XKR6: variants seen among roughly 807,000 people sequenced by gnomAD.
XKR6 encodes XK-related protein 6.
Under a neutral mutation model 56.7 loss-of-function variants are expected in XKR6, and 22 were observed. That is an observed-to-expected ratio of 0.39 (90% CI 0.28 to 0.55). XKR6 has a LOEUF of 0.55. XKR6 is among the 20% of genes least tolerant of loss of function. The pLI, the probability that XKR6 is intolerant of heterozygous loss-of-function variation, is 0.66. For missense variants in XKR6, 852 were observed against 889.0 expected (o/e 0.96, Z 0.53); for synonymous variants, 524 against 387.8 (o/e 1.35, Z -4.13).
At chr8:10,899,518 G>A (rs1799978005) in intron 2 of XKR6, among the ~76,000 whole-genome samples, 1 of 152,194 alleles carries the variant, frequency 6.6e-6, no homozygotes, top group Admixed American at 6.5e-5. Context: ...ACAAGATCCA[G>A]GACACTGGGA....
At chr8:11,091,196 C>T (rs983826058) in intron 1 of XKR6, among the ~76,000 whole-genome samples, 2 of 152,104 alleles carry the variant, frequency 1.3e-5, no homozygotes, top group Non-Finnish European at 2.9e-5. Flanking sequence ...TTGGGAGAGA[C>T]AAGGTGGGAG....
At chr8:10,960,039 C>T (rs1802014456) in intron 1 of XKR6, among the ~76,000 whole-genome samples, 1 of 152,220 alleles carries the variant, frequency 6.6e-6, no homozygotes, top group Non-Finnish European at 1.5e-5. Context: ...TTGCACCTGG[C>T]ACCTTGTGTG....
chr8:11,127,481 G>A (rs534175025), intron 1 of XKR6, among the ~76,000 whole-genome samples: 93 of 152,288 alleles, frequency 6.1e-4, no homozygotes, highest in African/African-American at 1.9e-3. Context: ...GGTGTCAGAA[G>A]GGCCACATTT....
intron 1 of XKR6, among the ~76,000 whole-genome samples, chr8:11,033,284 T>C (rs1456355507): frequency 6.7e-6 from 1 of 150,182 alleles, no homozygotes; most frequent in East Asian, 1.9e-4. Context: ...ATGATGACGA[T>C]AGTGATGGTG....
chr8:11,199,633 C>T (rs780677420), intron 1 of XKR6, among the ~76,000 whole-genome samples: 7 of 152,116 alleles, frequency 4.6e-5, no homozygotes, highest in Non-Finnish European at 1.0e-4. Flanking sequence ...ACAGATGTAC[C>T]CAGGTGTGAA....
chr8:11,194,932 G>A, intron 1 of XKR6: 4 of 545,836 alleles, frequency 7.3e-6, no homozygotes, highest in Non-Finnish European at 1.3e-5. Context: ...TCGCTCCAAA[G>A]CATGCCATTT....
intron 1 of XKR6, among the ~76,000 whole-genome samples, chr8:10,998,592 C>T (rs1586411765): frequency 6.6e-6 from 1 of 152,196 alleles, no homozygotes; most frequent in Admixed American, 6.5e-5. Flanking sequence ...GAGGCAGAGA[C>T]CTGGGTTCTG....
rs539522332 is a variant in XKR6 at position 11,119,937 on chromosome 8, CAT to C, written c.764+80637_764+80638del. Reference sequence around the variant, plus strand: ...TAAACAGAACCAAAGACAAAAACCACATGATTATCTCAATAGATGCAGAAAAG... The same window carrying C: ...TAAACAGAACCAAAGACAAAAACCACGATTATCTCAATAGATGCAGAAAAG... On this transcript the variant is annotated intron_variant, in intron 1 of 2. Transcript: ENST00000416569. 6.6e-5 allele frequency among the ~76,000 whole-genome samples: 10 copies of C among 152,286 alleles called. No individual in the cohort carries two copies. The South Asian group carries it at 1.2e-3, about 19-fold the overall frequency.
At chr8:10,927,480 C>A (rs1376286067) in intron 1 of XKR6, among the ~76,000 whole-genome samples, 2 of 152,220 alleles carry the variant, frequency 1.3e-5, no homozygotes, top group African/African-American at 4.8e-5. Flanking sequence ...GACTCTGCTT[C>A]TTCCAGCCTC....
chr8:11,196,747 G>A (rs1803911706), intron 1 of XKR6, among the ~76,000 whole-genome samples: 1 of 152,204 alleles, frequency 6.6e-6, no homozygotes, highest in Non-Finnish European at 1.5e-5. Flanking sequence ...GTCCTCCCCA[G>A]GGAGTCTTCT....
In XKR6 at chr8:11,201,043, C is replaced by G. The variant is rs1804198325; in HGVS notation, c.297G>C (p.Ala99=). Residue 99 remains alanine (A), a synonymous_variant, in exon 1 of 3, where the codon GCG becomes GCC. Transcript: ENST00000416569. The stretch of plus-strand genomic sequence containing the variant: ...GGGGTTGGCGGCCGGCGCCGGGGGC[C>G]GCGGGAGGCTGCAGCGGCTGGTCCC... The part of the protein sequence containing the change: ...DGGDQPLQPP[A]APGAGRQPPT... 2 of 1,209,210 alleles carry G rather than the reference C, an allele frequency of 1.7e-6. No individual in the cohort carries two copies. The allele number at this position is 1,209,210 out of a possible 1,614,324, so 74.9% of individuals were successfully genotyped here.
At chr8:11,004,403 C>T (rs997243671) in intron 1 of XKR6, among the ~76,000 whole-genome samples, 1 of 151,988 alleles carries the variant, frequency 6.6e-6, no homozygotes, top group African/African-American at 2.4e-5. Flanking sequence ...ACCCAGGAGG[C>T]GGAGGTTGCA....
At chr8:11,151,322 A>G (rs1438097540) in intron 1 of XKR6, among the ~76,000 whole-genome samples, 1 of 152,240 alleles carries the variant, frequency 6.6e-6, no homozygotes, top group Non-Finnish European at 1.5e-5. Context: ...ATAAAAATAT[A>G]ATCATACACT....
At chr8:10,912,831 T>C (rs1586297231) in intron 2 of XKR6, among the ~76,000 whole-genome samples, 2 of 144,154 alleles carry the variant, frequency 1.4e-5, no homozygotes, top group African/African-American at 2.6e-5. Flanking sequence ...TACATATATA[T>C]ATATAGAGAG....
rs74301692 is a variant in XKR6 at position 11,122,940 on chromosome 8, A to C, written c.764+77636T>G. Among the ~76,000 whole-genome samples the C allele has an allele frequency of 1.5e-3, 225 of 152,352 alleles. 3 individuals carry two copies. In the South Asian group the frequency reaches 0.019, roughly 13 times the overall value. ...CAATAAGTTAAAATTTAAGTGATTA[A>C]AAAGCCCATGCCTCTGCCGGGTGCA... On this transcript the variant is annotated intron_variant, in intron 1 of 2. Coordinates refer to ENST00000416569, the MANE Select transcript of XKR6 (RefSeq NM_173683.4).
At chr8:11,148,401 G>T (rs762879985) in intron 1 of XKR6, among the ~76,000 whole-genome samples, 1 of 152,128 alleles carries the variant, frequency 6.6e-6, no homozygotes, top group Non-Finnish European at 1.5e-5. Flanking sequence ...CAAGAAGAGG[G>T]GCCTCAGAGG....
At chr8:10,964,168 G>A (rs1257676711) in intron 1 of XKR6, among the ~76,000 whole-genome samples, 3 of 152,168 alleles carry the variant, frequency 2.0e-5, no homozygotes, top group South Asian at 2.1e-4. Flanking sequence ...CCTCCCCAGG[G>A]CAGGGGCTGC....
At chr8:11,142,867 A>T (rs13256092) in intron 1 of XKR6, among the ~76,000 whole-genome samples, 55,047 of 152,164 alleles carry the variant, frequency 0.36, 10,802 homozygotes, top group African/African-American at 0.47. Flanking sequence ...AATGAATTGT[A>T]ACTTGTCGAC....
At chr8:11,022,422 A>C (rs1447929386) in intron 1 of XKR6, among the ~76,000 whole-genome samples, 1 of 152,158 alleles carries the variant, frequency 6.6e-6, no homozygotes, top group Non-Finnish European at 1.5e-5. Context: ...AACATGTCCA[A>C]GCAGTCCCCC....
Sources: gnomAD v4.1 joint callset for allele counts (sites outside exome capture counted in the v4.1 genomes callset) on GRCh38, gnomAD v4.1.1 for gene constraint, MANE v1.5 for transcripts, NCBI Gene and HGNC (gene_info 2026-07-23, HGNC 2026-07-21) for gene names.